The following PCDH15 variants were observed in gnomAD, a reference collection of about 807,000 sequenced individuals.
PCDH15 encodes the protein protocadherin related 15.
In PCDH15, 129 loss-of-function variants were observed where a neutral mutation model predicts 178.5. That is an observed-to-expected ratio of 0.72 (90% CI 0.63 to 0.84). The LOEUF is 0.84. PCDH15 is among the 40% of genes least tolerant of loss of function. PCDH15 has a pLI of 0.00. For missense variants in PCDH15, 2,230 were observed against 2,099.9 expected, an observed-to-expected ratio of 1.06 and a Z score of -1.21; for synonymous variants, 800 against 732.0, an observed-to-expected ratio of 1.09 and a Z score of -1.50.
At chr10:54,215,970 G>A (rs1052488932) in intron 9 of PCDH15, among the ~76,000 whole-genome samples, 1 of 132,568 alleles carries the variant, frequency 7.5e-6, no homozygotes, top group Non-Finnish European at 1.6e-5. Context: ...GTGAACCCGG[G>A]AGGCGGAGCT....
chr10:54,589,859 G>A (rs10825365), intron 2 of PCDH15, among the ~76,000 whole-genome samples: 1 of 151,944 alleles, frequency 6.6e-6, no homozygotes, highest in South Asian at 2.1e-4. Flanking sequence ...GTCTCCCAAA[G>A]TGCTGGGATT....
chr10:55,492,251 C>T (rs999680505), intron 2 of PCDH15, among the ~76,000 whole-genome samples: 2 of 151,662 alleles, frequency 1.3e-5, no homozygotes, highest in South Asian at 4.2e-4. Context: ...AAAATTATCT[C>T]TCAGAGCTGT....
intron 1 of PCDH15, among the ~76,000 whole-genome samples, chr10:55,222,472 T>C (rs901273374): frequency 3.9e-5 from 6 of 151,956 alleles, no homozygotes; most frequent in African/African-American, 1.2e-4. Context: ...ATTCTTTTCA[T>C]CCAGGATTAT....
At chr10:54,944,611 C>A (rs945075643) in intron 2 of PCDH15, among the ~76,000 whole-genome samples, 8 of 151,984 alleles carry the variant, frequency 5.3e-5, no homozygotes, top group Non-Finnish European at 1.0e-4. Flanking sequence ...GTCCACATAT[C>A]AACATATCAG....
chr10:55,025,685 T>C (rs1332611008), intron 2 of PCDH15, among the ~76,000 whole-genome samples: 1 of 152,044 alleles, frequency 6.6e-6, no homozygotes, highest in Non-Finnish European at 1.5e-5. Flanking sequence ...ACTCTTAGAA[T>C]GCAATAACAG....
Position 54,600,696 on chromosome 10 carries a change from C to T in PCDH15, c.91+63476G>A, listed in dbSNP as rs538218849. On this transcript the variant is annotated intron_variant, in intron 2 of 37. Transcript: ENST00000644397. ...CCAGAGTGACTAAGATTTGAGTCCACTGCAAAAGTTTAAGCCATACGACAA... is the reference window on the plus strand; with the variant it reads ...CCAGAGTGACTAAGATTTGAGTCCATTGCAAAAGTTTAAGCCATACGACAA... 625 of 556,094 alleles carry T rather than the reference C, an allele frequency of 1.1e-3. 12 individuals carry two copies. Among genetic ancestry groups the T allele is most frequent in the Middle Eastern group, 8.8e-3 (15 of 1,700 alleles). 34.4% of individuals were successfully genotyped at this position (556,094 alleles called of 1,614,324 possible). A position where few individuals can be genotyped will look rare whatever the true frequency, so the allele number is the denominator to read the frequency against.
intron 3 of PCDH15, among the ~76,000 whole-genome samples, chr10:54,515,043 G>A (rs775683051): frequency 2.3e-4 from 35 of 152,336 alleles, no homozygotes; most frequent in African/African-American, 5.5e-4. Flanking sequence ...AGTTCCCAGC[G>A]TGAGTGACGC....
intron 2 of PCDH15, among the ~76,000 whole-genome samples, chr10:54,988,896 G>T (rs750799615): frequency 2.0e-5 from 3 of 152,150 alleles, no homozygotes; most frequent in Non-Finnish European, 2.9e-5. Context: ...TCCAGGGCAT[G>T]TCAGAAATCT....
At chr10:53,854,237 G>A (rs1454125739) in intron 28 of PCDH15, among the ~76,000 whole-genome samples, 1 of 151,866 alleles carries the variant, frequency 6.6e-6, no homozygotes, top group African/African-American at 2.4e-5. Context: ...GAAGACAAAA[G>A]GTTGTTACCC....
At chr10:54,788,224 GC>G (rs1156893307) in intron 1 of PCDH15, among the ~76,000 whole-genome samples, 1 of 151,916 alleles carries the variant, frequency 6.6e-6, no homozygotes, top group Non-Finnish European at 1.5e-5. Flanking sequence ...TGGGTTTCAA[GC>G]TTGTAATATG....
intron 1 of PCDH15, among the ~76,000 whole-genome samples, chr10:54,711,285 T>C (rs1213378113): frequency 5.9e-5 from 9 of 151,922 alleles, no homozygotes; most frequent in Admixed American, 2.6e-4. Flanking sequence ...TTGCAACATA[T>C]CAGTAAAACA....
intron 2 of PCDH15, among the ~76,000 whole-genome samples, chr10:55,517,809 A>G (rs1841056685): frequency 6.6e-6 from 1 of 152,150 alleles, no homozygotes; most frequent in African/African-American, 2.4e-5. Context: ...ATTCAACAAT[A>G]CAAAGGAACA....
At chr10:55,176,192 T>C (rs761070081) in intron 1 of PCDH15, among the ~76,000 whole-genome samples, 14 of 152,036 alleles carry the variant, frequency 9.2e-5, no homozygotes, top group African/African-American at 3.1e-4. Context: ...AGGCTTCTTC[T>C]CCTCCCTCAG....
At chr10:53,903,697 T>C (rs759940782) in intron 25 of PCDH15, among the ~76,000 whole-genome samples, 8 of 152,226 alleles carry the variant, frequency 5.3e-5, no homozygotes, top group East Asian at 1.9e-4. Context: ...TCACACACAA[T>C]ACCAGTTATA....
chr10:54,050,311 T>G (rs2135609394), intron 18 of PCDH15, among the ~76,000 whole-genome samples: 1 of 152,302 alleles, frequency 6.6e-6, no homozygotes, highest in South Asian at 2.1e-4. Flanking sequence ...TTCCAGGAAT[T>G]TATCCATTTC....
chr10:55,254,587 A>T (rs1053177193), intron 1 of PCDH15, among the ~76,000 whole-genome samples: 12 of 152,202 alleles, frequency 7.9e-5, no homozygotes, highest in Non-Finnish European at 1.6e-4. Context: ...ATAGAAAAAA[A>T]TATATATCAA....
intron 14 of PCDH15, among the ~76,000 whole-genome samples, chr10:54,137,879 G>T (rs1400849048): frequency 6.6e-6 from 1 of 152,122 alleles, no homozygotes; most frequent in African/African-American, 2.4e-5. Flanking sequence ...AGAACACATT[G>T]CTTGTGTCTT....
At chr10:54,026,510 A>T (rs1164551869) in intron 18 of PCDH15, among the ~76,000 whole-genome samples, 1 of 152,230 alleles carries the variant, frequency 6.6e-6, no homozygotes. Context: ...CGATATGTCA[A>T]GTACACACAC....
chr10:55,158,574 T>C (rs1176240037), intron 2 of PCDH15, among the ~76,000 whole-genome samples: 1 of 146,682 alleles, frequency 6.8e-6, no homozygotes, highest in African/African-American at 2.5e-5. Context: ...GAATAACAGC[T>C]GATTATAACT....
Sources: gnomAD v4.1 joint callset for allele counts (sites outside exome capture counted in the v4.1 genomes callset) on GRCh38, gnomAD v4.1.1 for gene constraint, MANE v1.5 for transcripts, NCBI Gene and HGNC (gene_info 2026-07-23, HGNC 2026-07-21) for gene names.